Variants in LMLN observed in about 807,000 individuals in gnomAD.
LMLN encodes leishmanolysin like peptidase.
In LMLN, 70 loss-of-function variants were observed where a neutral mutation model predicts 92.3. That is an observed-to-expected ratio of 0.76 (90% CI 0.63 to 0.92). LMLN has a LOEUF of 0.92. Ranked by LOEUF, LMLN falls within the 40% of genes least tolerant of loss-of-function variation. The probability of loss-of-function intolerance (pLI) is 0.00; values close to 1 mark genes in which losing one functional copy is unlikely to be tolerated. For synonymous variants in LMLN, 308 were observed against 296.2 expected, an observed-to-expected ratio of 1.04 and a Z score of -0.41; for missense variants, 691 against 814.6, an observed-to-expected ratio of 0.85 and a Z score of 1.85.
rs144839556 is a variant in LMLN at position 198,043,074 on chromosome 3, G to C, written c.*4407G>C. On this transcript the variant is annotated 3_prime_UTR_variant, in exon 16 of 16. Coordinates refer to ENST00000330198, the Ensembl canonical transcript of LMLN. Reference sequence around the variant, plus strand: ...TGAAGTTGAAACATCATCTTATGAGGTTTAGTTTTAGGAAGATAAATAAAT... The same window carrying C: ...TGAAGTTGAAACATCATCTTATGAGCTTTAGTTTTAGGAAGATAAATAAAT... 4.2e-5 allele frequency: 6 copies of C among 141,330 alleles called. No homozygotes were observed. In the South Asian group the frequency reaches 8.7e-4, roughly 20 times the overall value. 8.8% of individuals were successfully genotyped at this position (141,330 alleles called of 1,614,324 possible). A position where few individuals can be genotyped will look rare whatever the true frequency, so the allele number is the denominator to read the frequency against.
At chr3:198,010,057 A>G (rs775258188) in intron 11 of LMLN, among the ~76,000 whole-genome samples, 2 of 151,844 alleles carry the variant, frequency 1.3e-5, no homozygotes, top group Non-Finnish European at 2.9e-5. Flanking sequence ...TGTATTGTTG[A>G]TGTCTTCTAT....
chr3:198,016,367 G>C (rs1023167566), intron 11 of LMLN, among the ~76,000 whole-genome samples: 24 of 152,182 alleles, frequency 1.6e-4, no homozygotes, highest in Admixed American at 6.5e-5. Flanking sequence ...CAACCACTCT[G>C]GGTGTCCCCA....
At chr3:197,960,487 C>CCT in intron 1 of LMLN, 47 bp downstream of exon 1, 1 of 1,546,714 alleles carries the variant, frequency 6.5e-7, no homozygotes. Context: ...TAAAGTCACC[C>CCT]AGAAGGAGCA....
In LMLN at chr3:197,975,878, C is replaced by T. The variant is rs553460926; in HGVS notation, c.349-151C>T. ...CTTTTCCTCCTAGACTTACTCTCTT[C>T]CTACCCCTTGCCATACAACCTTGAC... On this transcript the variant is annotated intron_variant, in intron 3 of 15. Transcript: ENST00000330198. 95 of 532,144 alleles carry T rather than the reference C, an allele frequency of 1.8e-4. 2 individuals are homozygous for T. The Middle Eastern group carries it at 5.1e-3, about 29-fold the overall frequency. 33.0% of individuals were successfully genotyped at this position (532,144 alleles called of 1,614,324 possible).
intron 15 of LMLN, 187 bp from the exon 17 acceptor site, chr3:198,038,380 A>G (rs1047479331): frequency 3.7e-6 from 2 of 535,630 alleles, no homozygotes; most frequent in Non-Finnish European, 6.7e-6. Context: ...CTTCCTCCAT[A>G]TATATTTTTC....
At chr3:198,010,517 T>C (rs180981407) in intron 11 of LMLN, among the ~76,000 whole-genome samples, 55 of 151,754 alleles carry the variant, frequency 3.6e-4, no homozygotes, top group African/African-American at 1.3e-3. Context: ...GGTGCGATCA[T>C]GAGGCTCACT....
Position 198,019,560 on chromosome 3 carries a change from A to T in LMLN, c.1365+175A>T, listed in dbSNP as rs1395250974. ...TTCTTTAAAACTAATGTCCTAATTGATAGCACTTAGTTAAAATCTAGCAGT... is the reference window on the plus strand; with the variant it reads ...TTCTTTAAAACTAATGTCCTAATTGTTAGCACTTAGTTAAAATCTAGCAGT... On this transcript the variant is annotated intron_variant, in intron 12 of 15. Transcript: ENST00000330198. This position sits in a 1 kb window ranked among gnomAD's most constrained non-coding sequence, Gnocchi z 5.5. Among the ~76,000 whole-genome samples, 1 of 152,264 alleles carries T rather than the reference A, an allele frequency of 6.6e-6. No homozygotes were observed. Among genetic ancestry groups the T allele is most frequent in the African/African-American group, 2.4e-5 (1 of 41,468 alleles).
intron 4 of LMLN, 45 bp downstream of exon 4, chr3:197,976,156 C>T (rs1721374405): frequency 8.7e-7 from 1 of 1,145,682 alleles, no homozygotes. Flanking sequence ...CCGTTTAGTA[C>T]TCTGCCTTTC....
chr3:197,964,218 T>G (rs78838490), intron 1 of LMLN, among the ~76,000 whole-genome samples: 207 of 152,264 alleles, frequency 1.4e-3, no homozygotes, highest in African/African-American at 4.5e-3. Context: ...CTACTTATTG[T>G]GGATTTAGTT....
chr3:198,027,491 T>TA (rs1417383502), intron 14 of LMLN, among the ~76,000 whole-genome samples: 1 of 152,138 alleles, frequency 6.6e-6, no homozygotes, highest in Non-Finnish European at 1.5e-5. Context: ...AGAAACTCTG[T>TA]ACTCACTAAA....
intron 14 of LMLN, among the ~76,000 whole-genome samples, chr3:198,033,785 C>G (rs1261388144): frequency 6.6e-6 from 1 of 152,168 alleles, no homozygotes; most frequent in African/African-American, 2.4e-5. Flanking sequence ...TTTTTAGTGT[C>G]CTTTTCAGCG....
At chr3:198,034,834 G>A (rs960198717) in intron 14 of LMLN, among the ~76,000 whole-genome samples, 9 of 152,022 alleles carry the variant, frequency 5.9e-5, no homozygotes, top group Non-Finnish European at 8.8e-5. Flanking sequence ...GCTGTGTGGC[G>A]TTTCTATGCT....
intron 11 of LMLN, chr3:197,999,641 C>T (rs2109899183): frequency 3.7e-6 from 1 of 270,730 alleles, no homozygotes; most frequent in Non-Finnish European, 7.0e-6. Context: ...AGTCCTCTCA[C>T]CTCAGCTTCC....
At chr3:198,011,441 A>G (rs1722436649) in intron 11 of LMLN, among the ~76,000 whole-genome samples, 1 of 152,054 alleles carries the variant, frequency 6.6e-6, no homozygotes, top group Non-Finnish European at 1.5e-5. Context: ...TGTCCCTACA[A>G]AGGACATGAA....
At chr3:197,997,902 T>A (rs1459649463) in intron 10 of LMLN, among the ~76,000 whole-genome samples, 1 of 152,234 alleles carries the variant, frequency 6.6e-6, no homozygotes, top group Non-Finnish European at 1.5e-5. Context: ...TTTTAGAAAA[T>A]GTAATGAGCA....
intron 15 of LMLN, 60 bp downstream of exon 16, chr3:198,036,103 T>C (rs1723229006): frequency 1.4e-6 from 2 of 1,460,122 alleles, no homozygotes; most frequent in South Asian, 1.1e-5. Flanking sequence ...ACTTCTCTTA[T>C]AAAATGTTGG....
chr3:197,980,102 A>G (rs373234127), intron 5 of LMLN, among the ~76,000 whole-genome samples: 2 of 152,198 alleles, frequency 1.3e-5, no homozygotes, highest in Non-Finnish European at 2.9e-5. Flanking sequence ...AATTGAGATT[A>G]TAGGTTTATG....
chr3:197,990,759 T>C, intron 9 of LMLN, 83 bp downstream of exon 9: 1 of 632,016 alleles, frequency 1.6e-6, no homozygotes, highest in Non-Finnish European at 2.7e-6. Context: ...TCATTATTGT[T>C]TAAGAACTTA....
intron 11 of LMLN, among the ~76,000 whole-genome samples, chr3:198,005,796 G>A (rs754174321): frequency 8.6e-5 from 13 of 151,752 alleles, no homozygotes; most frequent in Non-Finnish European, 1.3e-4. Context: ...CACCACTCCC[G>A]GCTAATTTTG....
Sources: allele counts gnomAD v4.1 joint callset (sites outside exome capture counted in the v4.1 genomes callset), GRCh38; gene constraint gnomAD v4.1.1; non-coding constraint Gnocchi (gnomAD v3.1); transcripts MANE v1.5; gene names NCBI Gene and HGNC (gene_info 2026-07-23, HGNC 2026-07-21).